DISP1: variants seen among roughly 807,000 people sequenced by gnomAD.
DISP1 encodes dispatched RND transporter family member 1, also known as protein dispatched homolog 1.
In DISP1, 30 loss-of-function variants were observed where a neutral mutation model predicts 37.3. That is an observed-to-expected ratio of 0.80 (90% CI 0.60 to 1.09). The LOEUF is 1.09. Ranked by LOEUF, DISP1 falls within the 50% of genes least tolerant of loss-of-function variation. DISP1 has a pLI of 0.00. For missense variants in DISP1, 1,598 were observed against 1,879.5 expected, an observed-to-expected ratio of 0.85 and a Z score of 2.77; for synonymous variants, 634 against 690.2, an observed-to-expected ratio of 0.92 and a Z score of 1.28.
chr1:222,995,371 G>A (rs116215687), intron 8 of DISP1, among the ~76,000 whole-genome samples: 1,681 of 152,080 alleles, frequency 0.011, 19 homozygotes, highest in South Asian at 0.018. Context: ...CATCTTAATT[G>A]TGCAATGAAA....
At chr1:222,900,779 G>A (rs1181203116) in intron 1 of DISP1, among the ~76,000 whole-genome samples, 1 of 152,168 alleles carries the variant, frequency 6.6e-6, no homozygotes, top group Non-Finnish European at 1.5e-5. Context: ...TCTCCATAAA[G>A]TTAGCTATTA....
chr1:222,859,407 T>C (rs1355305604), intron 1 of DISP1, among the ~76,000 whole-genome samples: 3 of 152,188 alleles, frequency 2.0e-5, no homozygotes, highest in Non-Finnish European at 4.4e-5. Context: ...GGTGATGGGT[T>C]GATAGGTGCA....
intron 8 of DISP1, among the ~76,000 whole-genome samples, chr1:223,001,730 T>C (rs1179754680): frequency 6.6e-6 from 1 of 152,194 alleles, no homozygotes; most frequent in Non-Finnish European, 1.5e-5. Flanking sequence ...CTCCCATTCA[T>C]GAGGGCTCCT....
intron 1 of DISP1, among the ~76,000 whole-genome samples, chr1:222,903,867 T>C (rs566751330): frequency 1.3e-5 from 2 of 152,340 alleles, no homozygotes; most frequent in East Asian, 3.9e-4. Flanking sequence ...ACTACTTCTG[T>C]GCATTAGAAG....
intron 1 of DISP1, among the ~76,000 whole-genome samples, chr1:222,852,210 G>GA (rs1011684750): frequency 6.8e-6 from 1 of 147,236 alleles, no homozygotes; most frequent in Non-Finnish European, 1.5e-5. Context: ...TAAATTTACT[G>GA]AAAAAAAATT....
chr1:222,872,279 A>G (rs1224106964), intron 1 of DISP1: 1 of 152,236 alleles, frequency 6.6e-6, no homozygotes, highest in Non-Finnish European at 1.5e-5. Flanking sequence ...AGGCTTTGGT[A>G]TCAGGATGAT....
At chr1:222,894,559 G>C (rs1671134237) in intron 1 of DISP1, among the ~76,000 whole-genome samples, 1 of 152,254 alleles carries the variant, frequency 6.6e-6, no homozygotes, top group Admixed American at 6.5e-5. Flanking sequence ...GGAGCAGGGG[G>C]AGGCCAGGCA....
rs146073385 is a variant in DISP1 at position 222,889,177 on chromosome 1, G to A, written c.-158-39253G>A. The stretch of plus-strand genomic sequence containing the variant: ...CACTATATGGCATATTTTGGGAAAA[G>A]GTATTGGGATTCTTCTGAGGTCAAG... On this transcript the variant is annotated intron_variant, in intron 1 of 8. Coordinates refer to ENST00000675850, the MANE Select transcript of DISP1 (RefSeq NM_001377229.1). Among the ~76,000 whole-genome samples, 221 of 152,204 alleles carry A rather than the reference G, an allele frequency of 1.5e-3. 3 individuals are homozygous for A. The highest frequency in any genetic ancestry group is 5.1e-3 in the African/African-American group (213 of 41,532).
At chr1:222,898,548 G>GTTTTTTT (rs5781289) in intron 1 of DISP1, among the ~76,000 whole-genome samples, 1 of 146,808 alleles carries the variant, frequency 6.8e-6, no homozygotes. Flanking sequence ...ATGTACCACT[G>GTTTTTTT]TTTTTTTTTT....
chr1:222,977,997 C>T lies in DISP1; in HGVS notation c.510-5083C>T, dbSNP rs1295266934. Among the ~76,000 whole-genome samples, 12 of 151,978 alleles carry T rather than the reference C, an allele frequency of 7.9e-5. No individual in the cohort carries two copies. The East Asian group carries it at 9.7e-4, about 12-fold the overall frequency. On this transcript the variant is annotated intron_variant, in intron 3 of 8. Coordinates refer to ENST00000675850, the MANE Select transcript of DISP1 (RefSeq NM_001377229.1). ...TGTGAATAGTGCCACAATAAACATA[C>T]GTGTGCATGTGTCTTTATAGCAGCA...
intron 1 of DISP1, among the ~76,000 whole-genome samples, chr1:222,821,652 G>C (rs1236045232): frequency 6.6e-6 from 1 of 152,094 alleles, no homozygotes; most frequent in Non-Finnish European, 1.5e-5. Flanking sequence ...GAGGTGGGTG[G>C]ATCACTTGAG....
At chr1:222,896,736 T>C (rs1025658873) in intron 1 of DISP1, among the ~76,000 whole-genome samples, 1 of 151,870 alleles carries the variant, frequency 6.6e-6, no homozygotes, top group Non-Finnish European at 1.5e-5. Context: ...TTTTAAGAGG[T>C]GAGCAAAGAT....
chr1:222,903,003 T>C (rs928447326), intron 1 of DISP1, among the ~76,000 whole-genome samples: 7 of 151,946 alleles, frequency 4.6e-5, no homozygotes, highest in Admixed American at 4.6e-4. Context: ...CACGCACACG[T>C]ATGTTTGTTG....
At chr1:222,818,734 G>A (rs1661913812) in intron 1 of DISP1, among the ~76,000 whole-genome samples, 1 of 152,054 alleles carries the variant, frequency 6.6e-6, no homozygotes, top group Non-Finnish European at 1.5e-5. Context: ...CCAACATTAC[G>A]GAAGGTAATC....
chr1:222,866,391 C>A (rs143046756), intron 1 of DISP1, among the ~76,000 whole-genome samples: 87 of 152,188 alleles, frequency 5.7e-4, no homozygotes, highest in African/African-American at 1.8e-3. Flanking sequence ...GTCGCTCAGG[C>A]TGGAGTGCAG....
chr1:222,888,290 T>C (rs1670746258), intron 1 of DISP1, among the ~76,000 whole-genome samples: 1 of 152,136 alleles, frequency 6.6e-6, no homozygotes, highest in South Asian at 2.1e-4. Context: ...GAGTATCACA[T>C]ATGAAATATA....
intron 1 of DISP1, among the ~76,000 whole-genome samples, chr1:222,868,104 C>T (rs1669301687): frequency 6.6e-6 from 1 of 151,952 alleles, no homozygotes; most frequent in Admixed American, 6.6e-5. Flanking sequence ...CTAGATTAGC[C>T]AGGCACGGTA....
intron 1 of DISP1, among the ~76,000 whole-genome samples, chr1:222,903,555 G>A (rs1296141127): frequency 2.6e-5 from 4 of 151,818 alleles, no homozygotes; most frequent in Non-Finnish European, 4.4e-5. Context: ...GGATAACTTG[G>A]GATATCTGTT....
intron 8 of DISP1, among the ~76,000 whole-genome samples, chr1:222,999,404 A>T (rs1471372910): frequency 6.6e-6 from 1 of 152,172 alleles, no homozygotes; most frequent in Non-Finnish European, 1.5e-5. Context: ...TTCTGTGTGA[A>T]GACATACCTG....
Sources: allele counts gnomAD v4.1 joint callset (sites outside exome capture counted in the v4.1 genomes callset), GRCh38; gene constraint gnomAD v4.1.1; transcripts MANE v1.5; gene names NCBI Gene and HGNC (gene_info 2026-07-23, HGNC 2026-07-21).